SPMIP7: variants seen among roughly 807,000 people sequenced by gnomAD.
SPMIP7 encodes the protein protein SPMIP7.
At chr7:50,134,130 G>A in the SPMIP7 span, 3 of 1,548,670 alleles carry the variant, frequency 1.9e-6, no homozygotes, top group South Asian at 1.2e-5. Context: ...TGTTCCTTGG[G>A]ATAAGATGCT....
chr7:50,151,326 G>GA, the SPMIP7 span: 7,133 of 718,078 alleles, frequency 9.9e-3, no homozygotes, highest in Non-Finnish European at 0.012. Flanking sequence ...CCTCATACAG[G>GA]AAAAAAAAAA....
the SPMIP7 span, among the ~76,000 whole-genome samples, chr7:50,126,970 G>A: frequency 6.6e-6 from 1 of 151,898 alleles, no homozygotes; most frequent in East Asian, 1.9e-4. Context: ...TGCAAAACAA[G>A]AAAGCTAGAG....
chr7:50,096,858 A>G, the SPMIP7 span, among the ~76,000 whole-genome samples: 2,131 of 152,346 alleles, frequency 0.014, 25 homozygotes, highest in Non-Finnish European at 0.02. Context: ...TTCATTAGTG[A>G]TTAACACAAA....
chr7:50,143,220 A>G, the SPMIP7 span, among the ~76,000 whole-genome samples: 1 of 142,922 alleles, frequency 7.0e-6, no homozygotes, highest in Admixed American at 7.3e-5. Flanking sequence ...GCTGAAGTGC[A>G]GTGGCGTGAT....
At chr7:50,119,136 T>C in the SPMIP7 span, among the ~76,000 whole-genome samples, 4 of 152,086 alleles carry the variant, frequency 2.6e-5, no homozygotes, top group Admixed American at 6.6e-5. Context: ...CATGGTCCTC[T>C]CCCTATTGGA....
chr7:50,131,260 A>C, the SPMIP7 span, among the ~76,000 whole-genome samples: 2 of 152,178 alleles, frequency 1.3e-5, no homozygotes, highest in East Asian at 3.8e-4. Context: ...ATTGTGATGA[A>C]TCTGGAGAAA....
the SPMIP7 span, among the ~76,000 whole-genome samples, chr7:50,117,963 T>A: frequency 1.6e-4 from 25 of 152,334 alleles, no homozygotes; most frequent in Middle Eastern, 3.4e-3. Context: ...GAACTGCCAT[T>A]ATTAAGATTG....
chr7:50,138,761 G>A, the SPMIP7 span, among the ~76,000 whole-genome samples: 1 of 124,930 alleles, frequency 8.0e-6, no homozygotes, highest in East Asian at 3.6e-4. Context: ...ACCTTTAAAT[G>A]GGATTTTTTT....
the SPMIP7 span, among the ~76,000 whole-genome samples, chr7:50,144,712 G>A: frequency 5.9e-5 from 9 of 152,014 alleles, no homozygotes; most frequent in South Asian, 1.2e-3. Context: ...AAATGTTAAC[G>A]CAGTTTCTAC....
the SPMIP7 span, chr7:50,142,588 C>T: frequency 6.6e-6 from 1 of 152,142 alleles, no homozygotes; most frequent in African/African-American, 2.4e-5. Flanking sequence ...CCTGTTAACA[C>T]AAAGAAATGT....
chr7:50,129,649 T>G, the SPMIP7 span: 1 of 1,071,932 alleles, frequency 9.3e-7, no homozygotes. Context: ...GAAAACATGA[T>G]GACTAGAAAA....
At chr7:50,128,922 T>C in the SPMIP7 span, among the ~76,000 whole-genome samples, 2 of 151,930 alleles carry the variant, frequency 1.3e-5, no homozygotes, top group Non-Finnish European at 2.9e-5. Flanking sequence ...AAGACAATGA[T>C]AATGTCCTAA....
At chr7:50,130,559 AG>A in the SPMIP7 span, among the ~76,000 whole-genome samples, 17 of 152,174 alleles carry the variant, frequency 1.1e-4, no homozygotes, top group African/African-American at 4.1e-4. Context: ...CCATATCAAA[AG>A]GGAAACAGAC....
the SPMIP7 span, among the ~76,000 whole-genome samples, chr7:50,133,335 G>A: frequency 6.6e-6 from 1 of 152,142 alleles, no homozygotes; most frequent in Non-Finnish European, 1.5e-5. Context: ...CTGCATTAGT[G>A]TGGAATAGTG....
chr7:50,125,367 T>TATATATAC, the SPMIP7 span, among the ~76,000 whole-genome samples: 4 of 109,170 alleles, frequency 3.7e-5, no homozygotes, highest in African/African-American at 1.6e-4. Flanking sequence ...TATATACACA[T>TATATATAC]ATATATACAC....
chr7:50,116,727 GATTTTGAA>G, the SPMIP7 span, among the ~76,000 whole-genome samples: 2 of 152,202 alleles, frequency 1.3e-5, no homozygotes, highest in East Asian at 3.9e-4. Context: ...ATTTTTGTGG[GATTTTGAA>G]AAGTTCTTTA....
chr7:50,147,338 C>T, the SPMIP7 span, among the ~76,000 whole-genome samples: 2 of 152,166 alleles, frequency 1.3e-5, no homozygotes, highest in Non-Finnish European at 2.9e-5. Context: ...AGTTCAGTTG[C>T]ACTGAGGTCC....
At chr7:50,148,754 G>C in the SPMIP7 span, among the ~76,000 whole-genome samples, 58 of 152,326 alleles carry the variant, frequency 3.8e-4, no homozygotes, top group African/African-American at 1.4e-3. Flanking sequence ...CAATGTGGCT[G>C]TAAAACAGAG....
At chr7:50,136,798 T>G in the SPMIP7 span, among the ~76,000 whole-genome samples, 1 of 152,178 alleles carries the variant, frequency 6.6e-6, no homozygotes, top group Admixed American at 6.5e-5. Flanking sequence ...CAATATTGTC[T>G]GTTCATTTTT....
Sources: gnomAD v4.1 joint callset for allele counts (sites outside exome capture counted in the v4.1 genomes callset) on GRCh38, gnomAD v4.1.1 for gene constraint, MANE v1.5 for transcripts, NCBI Gene and HGNC (gene_info 2026-07-23, HGNC 2026-07-21) for gene names.